AHCYL2: variants seen among roughly 807,000 people sequenced by gnomAD.
AHCYL2 encodes the protein S-adenosylhomocysteine hydrolase-like protein 2.
Under a neutral mutation model 81.4 loss-of-function variants are expected in AHCYL2, and 28 were observed. The ratio of observed to expected loss-of-function variants is 0.34; its 90% CI spans 0.25 to 0.47. AHCYL2 has a LOEUF of 0.47. Ranked by LOEUF, AHCYL2 falls within the 20% of genes least tolerant of loss-of-function variation. The pLI, the probability that AHCYL2 is intolerant of heterozygous loss-of-function variation, is 1.00. For missense variants in AHCYL2, 551 were observed against 785.1 expected (o/e 0.70, Z 3.56); for synonymous variants, 272 against 290.2 (o/e 0.94, Z 0.64).
Position 129,258,230 on chromosome 7 carries a change from ATT to A in AHCYL2, c.363+32805_363+32806del, listed in dbSNP as rs11379395. On this transcript the variant is annotated intron_variant, in intron 1 of 16. Transcript: ENST00000325006. ...AAGTAAATCAGATTCACAGTTCTCAATTTTTTTTTTTTTTTGCCTTTAAAAGG... is the reference window on the plus strand; with the variant it reads ...AAGTAAATCAGATTCACAGTTCTCAATTTTTTTTTTTTTGCCTTTAAAAGG... 4.9e-3 allele frequency among the ~76,000 whole-genome samples: 643 copies of A among 131,882 alleles called. 9 individuals carry two copies. Among genetic ancestry groups the A allele is most frequent in the African/African-American group, 0.017 (603 of 35,426 alleles). 86.5% of individuals were successfully genotyped at this position (131,882 alleles called of 152,430 possible). A position where few individuals can be genotyped will look rare whatever the true frequency, so the allele number is the denominator to read the frequency against.
chr7:129,360,623 G>A (rs1428239227), intron 1 of AHCYL2, among the ~76,000 whole-genome samples: 3 of 152,186 alleles, frequency 2.0e-5, no homozygotes, highest in Non-Finnish European at 2.9e-5. Context: ...TCAGTAATTC[G>A]TGTAATTGAT....
chr7:129,247,371 A>G (rs1251343715), intron 1 of AHCYL2, among the ~76,000 whole-genome samples: 2 of 152,222 alleles, frequency 1.3e-5, no homozygotes, highest in Non-Finnish European at 2.9e-5. Flanking sequence ...CTTTTTTGCT[A>G]AAATGACTGT....
chr7:129,375,108 A>G (rs1278641324), intron 1 of AHCYL2, among the ~76,000 whole-genome samples: 1 of 152,178 alleles, frequency 6.6e-6, no homozygotes, highest in African/African-American at 2.4e-5. Flanking sequence ...ACATTTTGTG[A>G]AAAAAGCAAA....
chr7:129,351,792 A>G (rs1030356082), intron 1 of AHCYL2: 4 of 152,154 alleles, frequency 2.6e-5, no homozygotes, highest in African/African-American at 7.2e-5. Context: ...AGTCCCTGAT[A>G]CTGTTTTTCA....
rs1797433296 is a variant in AHCYL2 at position 129,428,070 on chromosome 7, TA to T, written c.*1026del. On this transcript the variant is annotated 3_prime_UTR_variant, in exon 17 of 17. Coordinates refer to ENST00000325006, the MANE Select transcript of AHCYL2 (RefSeq NM_015328.4). ...CTTGATACCCTAACAAAGCAGAGTA[TA>T]TTTATTTGTTTCCCAGGAAGGCCAT... 6.6e-6 allele frequency: 1 copy of T among 152,216 alleles called. No homozygotes were observed. Among genetic ancestry groups the T allele is most frequent in the Non-Finnish European group, 1.5e-5 (1 of 68,034 alleles). The allele number at this position is 152,216 out of a possible 1,614,324, so 9.4% of individuals were successfully genotyped here.
chr7:129,309,541 A>G (rs1048245188), intron 1 of AHCYL2, among the ~76,000 whole-genome samples: 1 of 152,206 alleles, frequency 6.6e-6, no homozygotes, highest in South Asian at 2.1e-4. Flanking sequence ...CCTTGTCTCA[A>G]AATAAATAAA....
intron 1 of AHCYL2, among the ~76,000 whole-genome samples, chr7:129,252,831 G>GATAA (rs1159170891): frequency 6.7e-6 from 1 of 150,078 alleles, no homozygotes; most frequent in African/African-American, 2.5e-5. Flanking sequence ...TTGATTGATA[G>GATAA]ATAAATAGAT....
chr7:129,420,245 GCTC>G (rs1432828242), intron 12 of AHCYL2, among the ~76,000 whole-genome samples: 1 of 152,138 alleles, frequency 6.6e-6, no homozygotes, highest in African/African-American at 2.4e-5. Flanking sequence ...ATGGGTTTTA[GCTC>G]TTAGCTCCCA....
At chr7:129,382,703 C>T (rs552497964) in intron 2 of AHCYL2, among the ~76,000 whole-genome samples, 12 of 152,062 alleles carry the variant, frequency 7.9e-5, no homozygotes, top group African/African-American at 2.2e-4. Flanking sequence ...GCCGGGGGTT[C>T]GAGACCAGCC....
At chr7:129,269,011 C>T (rs973277982) in intron 1 of AHCYL2, among the ~76,000 whole-genome samples, 9 of 152,018 alleles carry the variant, frequency 5.9e-5, no homozygotes, top group African/African-American at 2.2e-4. Context: ...TGTCTCTGGA[C>T]GTTTCATATA....
intron 5 of AHCYL2, 136 bp downstream of exon 5, chr7:129,397,460 A>C (rs1248426368): frequency 1.1e-6 from 1 of 933,636 alleles, no homozygotes; most frequent in Non-Finnish European, 1.6e-6. Flanking sequence ...TTCTTCATGA[A>C]TTTGCTCTTT....
intron 1 of AHCYL2, among the ~76,000 whole-genome samples, chr7:129,309,720 A>G (rs909709701): frequency 1.3e-5 from 2 of 152,056 alleles, no homozygotes; most frequent in Non-Finnish European, 2.9e-5. Context: ...TGAGTGCTAT[A>G]AAGTTATGGA....
At chr7:129,259,295 AG>A (rs1328617870) in intron 1 of AHCYL2, among the ~76,000 whole-genome samples, 2 of 152,316 alleles carry the variant, frequency 1.3e-5, no homozygotes, top group East Asian at 3.9e-4. Flanking sequence ...TAAGCAGCAC[AG>A]GAGCGACAAA....
chr7:129,275,781 A>G (rs1249732766), intron 1 of AHCYL2, among the ~76,000 whole-genome samples: 1 of 152,200 alleles, frequency 6.6e-6, no homozygotes, highest in Non-Finnish European at 1.5e-5. Context: ...AAATTTATAA[A>G]TCTATAAAAT....
At chr7:129,306,737 A>T (rs905987713) in intron 1 of AHCYL2, among the ~76,000 whole-genome samples, 1 of 152,142 alleles carries the variant, frequency 6.6e-6, no homozygotes, top group Non-Finnish European at 1.5e-5. Context: ...GCTTCTTGGG[A>T]AGGCTTTCCA....
intron 1 of AHCYL2, among the ~76,000 whole-genome samples, chr7:129,321,105 A>G (rs1312471197): frequency 6.6e-6 from 1 of 152,210 alleles, no homozygotes; most frequent in African/African-American, 2.4e-5. Flanking sequence ...GGTTTTCTAC[A>G]TACATAATTG....
chr7:129,352,354 A>G (rs979860215), intron 1 of AHCYL2, among the ~76,000 whole-genome samples: 1 of 152,190 alleles, frequency 6.6e-6, no homozygotes, highest in Non-Finnish European at 1.5e-5. Flanking sequence ...ACCCGCCACC[A>G]TGAGCTTGAC....
chr7:129,415,490 G>T (rs2150956636), intron 12 of AHCYL2, among the ~76,000 whole-genome samples: 1 of 152,302 alleles, frequency 6.6e-6, no homozygotes, highest in South Asian at 2.1e-4. Flanking sequence ...AAACTAAGAA[G>T]TTAACTACCT....
At chr7:129,290,801 G>A (rs902688189) in intron 1 of AHCYL2, among the ~76,000 whole-genome samples, 25 of 151,330 alleles carry the variant, frequency 1.7e-4, no homozygotes, top group Non-Finnish European at 7.4e-5. Context: ...GCAGTGGCGG[G>A]CGCCTGTAAT....
Sources: gnomAD v4.1 joint callset for allele counts (sites outside exome capture counted in the v4.1 genomes callset) on GRCh38, gnomAD v4.1.1 for gene constraint, MANE v1.5 for transcripts, NCBI Gene and HGNC (gene_info 2026-07-23, HGNC 2026-07-21) for gene names.